The following STX8 variants were observed in gnomAD, a reference collection of about 807,000 sequenced individuals.
STX8 encodes syntaxin 8, also known as syntaxin-8.
Under a neutral mutation model 37.5 loss-of-function variants are expected in STX8, and 23 were observed. The ratio of observed to expected loss-of-function variants is 0.61; its 90% confidence interval spans 0.44 to 0.87. STX8 has a LOEUF of 0.87. Among genes scored for constraint, STX8 ranks in the 40% least tolerant of loss-of-function variants. The pLI is 0.00. For missense variants in STX8, 313 were observed against 284.7 expected, an observed-to-expected ratio of 1.10 and a Z score of -0.71; for synonymous variants, 115 against 99.1, an observed-to-expected ratio of 1.16 and a Z score of -0.95.
chr17:9,252,932 G>GA (rs11369628), intron 7 of STX8, among the ~76,000 whole-genome samples: 76,449 of 147,746 alleles, frequency 0.52, 19,695 homozygotes, highest in Non-Finnish European at 0.58. Flanking sequence ...GAGGAGATGT[G>GA]ACACCGTCTG....
chr17:9,515,175 G>A (rs541056819), intron 4 of STX8, among the ~76,000 whole-genome samples: 87 of 152,192 alleles, frequency 5.7e-4, no homozygotes, highest in Non-Finnish European at 7.4e-4. Flanking sequence ...GTCTAATGTC[G>A]TACTTGGAAG....
chr17:9,328,005 TTCTC>T (rs745602682), intron 7 of STX8, among the ~76,000 whole-genome samples: 45 of 150,540 alleles, frequency 3.0e-4, no homozygotes, highest in African/African-American at 7.3e-4. Flanking sequence ...CTCTCTTTCC[TTCTC>T]TCTCATTCTT....
chr17:9,559,032 A>C (rs1048047832), intron 2 of STX8, among the ~76,000 whole-genome samples: 2 of 152,204 alleles, frequency 1.3e-5, no homozygotes, highest in African/African-American at 2.4e-5. Flanking sequence ...ATCAAGTCAT[A>C]AAATAAAATA....
chr17:9,498,759 CATAAGACTAGA>C (rs1904506384), intron 5 of STX8, among the ~76,000 whole-genome samples: 1 of 152,118 alleles, frequency 6.6e-6, no homozygotes, highest in Non-Finnish European at 1.5e-5. Flanking sequence ...ATAGAAAATT[CATAAGACTAGA>C]TGAAGCTGAT....
At chr17:9,516,963 G>C (rs751938122) in intron 4 of STX8, among the ~76,000 whole-genome samples, 74 of 152,090 alleles carry the variant, frequency 4.9e-4, no homozygotes, top group Non-Finnish European at 2.4e-4. Context: ...CTTGTTATTA[G>C]TGACATTGGG....
chr17:9,396,450 AG>A (rs979836146), intron 6 of STX8, among the ~76,000 whole-genome samples: 1 of 151,782 alleles, frequency 6.6e-6, no homozygotes, highest in African/African-American at 2.4e-5. Context: ...TGGGAGGCTG[AG>A]GTGGGCGGGT....
chr17:9,511,804 G>T (rs1905025606), intron 4 of STX8, among the ~76,000 whole-genome samples: 1 of 152,050 alleles, frequency 6.6e-6, no homozygotes, highest in African/African-American at 2.4e-5. Flanking sequence ...AATTGTTTCT[G>T]TTTGCAGAAA....
intron 6 of STX8, among the ~76,000 whole-genome samples, chr17:9,481,534 A>G (rs115350852): frequency 2.6e-4 from 39 of 152,124 alleles, no homozygotes; most frequent in Middle Eastern, 3.4e-3. Context: ...AGATCTTCCA[A>G]CCCCTCCCCT....
chr17:9,495,995 C>G (rs1441678131), intron 5 of STX8, among the ~76,000 whole-genome samples: 1 of 151,822 alleles, frequency 6.6e-6, no homozygotes, highest in Admixed American at 6.6e-5. Flanking sequence ...CAAGTCCAGC[C>G]AGGGGCAATA....
intron 6 of STX8, among the ~76,000 whole-genome samples, chr17:9,418,853 G>GGGGA (rs1913308614): frequency 1.4e-5 from 2 of 147,646 alleles, no homozygotes; most frequent in Non-Finnish European, 3.0e-5. Context: ...GGGGGGGAAG[G>GGGGA]GGGAGGGAGA....
At chr17:9,479,358 A>C (rs1245593829) in intron 6 of STX8, among the ~76,000 whole-genome samples, 1 of 151,962 alleles carries the variant, frequency 6.6e-6, no homozygotes, top group East Asian at 1.9e-4. Flanking sequence ...ACATGGCGAA[A>C]ACCCATCTCT....
At chr17:9,295,965 C>T (rs190320197) in intron 7 of STX8, among the ~76,000 whole-genome samples, 2,703 of 151,526 alleles carry the variant, frequency 0.018, 48 homozygotes, top group South Asian at 0.042. Flanking sequence ...CCAAGGCGGG[C>T]GGATCACGAG....
intron 7 of STX8, among the ~76,000 whole-genome samples, chr17:9,319,472 C>T (rs543087702): frequency 3.3e-5 from 5 of 152,132 alleles, no homozygotes; most frequent in African/African-American, 1.2e-4. Flanking sequence ...GAAAAAACTG[C>T]ATTATCGATA....
At chr17:9,538,201 C>A (rs1906135656) in intron 4 of STX8, among the ~76,000 whole-genome samples, 1 of 152,174 alleles carries the variant, frequency 6.6e-6, no homozygotes, top group East Asian at 1.9e-4. Context: ...TTTCAGCACA[C>A]CCTTGCACAT....
Position 9,379,595 on chromosome 17 carries a change from A to C in STX8, c.542-942T>G, listed in dbSNP as rs182298631. Among the ~76,000 whole-genome samples, 577 of 152,338 alleles carry C rather than the reference A, an allele frequency of 3.8e-3. 4 individuals are homozygous for C. Among genetic ancestry groups the C allele is most frequent in the African/African-American group, 0.013 (546 of 41,586 alleles). The stretch of plus-strand genomic sequence containing the variant: ...AAAAGTTAATCATACAGAAACTTGT[A>C]GCCTTTTAAAATCACCAAAACTTTA... On this transcript the variant is annotated intron_variant, in intron 6 of 7. Coordinates refer to ENST00000306357, the MANE Select transcript of STX8 (RefSeq NM_004853.3).
At chr17:9,387,327 G>GCT (rs1259140487) in intron 6 of STX8, among the ~76,000 whole-genome samples, 2 of 150,586 alleles carry the variant, frequency 1.3e-5, no homozygotes, top group African/African-American at 2.4e-5. Flanking sequence ...GGAGTCTTGC[G>GCT]CTCTGTCACT....
chr17:9,524,448 A>C (rs1905480267), intron 4 of STX8, among the ~76,000 whole-genome samples: 1 of 152,106 alleles, frequency 6.6e-6, no homozygotes, highest in African/African-American at 2.4e-5. Flanking sequence ...AGCTCCCTTC[A>C]ATCTTTTTTT....
At chr17:9,350,972 A>C (rs1910688128) in intron 7 of STX8, among the ~76,000 whole-genome samples, 2 of 152,274 alleles carry the variant, frequency 1.3e-5, no homozygotes, top group South Asian at 4.1e-4. Flanking sequence ...CATGGGAACT[A>C]AGGCACTAAC....
chr17:9,556,768 T>TATACATAC (rs1457944744), intron 3 of STX8: 3 of 61,026 alleles, frequency 4.9e-5, no homozygotes, highest in African/African-American at 2.7e-4. Context: ...TATATATATA[T>TATACATAC]ATATATATAT....
Sources: allele counts gnomAD v4.1 joint callset (sites outside exome capture counted in the v4.1 genomes callset), GRCh38; gene constraint gnomAD v4.1.1; transcripts MANE v1.5; gene names NCBI Gene and HGNC (gene_info 2026-07-23, HGNC 2026-07-21).